Variants in DAP observed in about 807,000 individuals in gnomAD.
DAP encodes the protein death-associated protein 1.
A neutral mutation model predicts 13.8 loss-of-function variants in DAP; 8 were observed. That is an observed-to-expected ratio of 0.58 (90% CI 0.34 to 1.05). The LOEUF is 1.05. DAP is among the 50% of genes least tolerant of loss of function. The pLI is 0.03. For missense variants in DAP, 106 were observed against 133.2 expected (o/e 0.80, Z 1.01); for synonymous variants, 47 against 47.5 (o/e 0.99, Z 0.04).
intron 2 of DAP, among the ~76,000 whole-genome samples, chr5:10,739,789 A>T (rs750523494): frequency 3.0e-4 from 4 of 13,338 alleles, no homozygotes; most frequent in Non-Finnish European, 6.9e-4. Context: ...AAATTAACTC[A>T]CACACACACA....
At chr5:10,685,563 G>A (rs757125667) in intron 2 of DAP, among the ~76,000 whole-genome samples, 4 of 152,188 alleles carry the variant, frequency 2.6e-5, no homozygotes, top group African/African-American at 7.2e-5. Context: ...TCTTAACGTC[G>A]TTTGGAATGT....
intron 2 of DAP, among the ~76,000 whole-genome samples, chr5:10,706,538 CA>C (rs1738702273): frequency 6.6e-6 from 1 of 152,192 alleles, no homozygotes; most frequent in Non-Finnish European, 1.5e-5. Flanking sequence ...GGCTTGGGCA[CA>C]ATCTTGAGAA....
intron 2 of DAP, among the ~76,000 whole-genome samples, chr5:10,715,332 C>T (rs910057109): frequency 6.6e-6 from 1 of 152,178 alleles, no homozygotes; most frequent in Non-Finnish European, 1.5e-5. Context: ...GGGCCCAGGA[C>T]AGCAACAGGA....
At chr5:10,736,382 C>T (rs548990436) in intron 2 of DAP, among the ~76,000 whole-genome samples, 8 of 152,272 alleles carry the variant, frequency 5.3e-5, no homozygotes, top group Admixed American at 2.6e-4. Context: ...ATGGCTTTGT[C>T]CTAATGGCAG....
intron 2 of DAP, among the ~76,000 whole-genome samples, chr5:10,695,172 G>T (rs1266003533): frequency 1.3e-5 from 2 of 152,236 alleles, no homozygotes; most frequent in Admixed American, 6.5e-5. Context: ...TCTTCAGAGT[G>T]TGACAGTCGA....
At chr5:10,683,608 A>G (rs1331813784) in intron 2 of DAP, 37 bp from the exon 3 acceptor site, 4 of 1,598,618 alleles carry the variant, frequency 2.5e-6, no homozygotes, top group Non-Finnish European at 3.4e-6. Context: ...ATTTAACAAA[A>G]CAGTCCACAA....
intron 2 of DAP, among the ~76,000 whole-genome samples, chr5:10,687,487 C>T (rs565200641): frequency 2.0e-5 from 3 of 152,192 alleles, no homozygotes; most frequent in African/African-American, 7.2e-5. Flanking sequence ...TCATGGGTAA[C>T]TTTGAGGGGG....
At chr5:10,757,276 CA>C (rs2111402759) in intron 1 of DAP, among the ~76,000 whole-genome samples, 1 of 151,902 alleles carries the variant, frequency 6.6e-6, no homozygotes, top group African/African-American at 2.4e-5. Context: ...ACAATTGGGT[CA>C]GGTTTTTTTT....
At chr5:10,686,326 A>G (rs1561005776) in intron 2 of DAP, among the ~76,000 whole-genome samples, 2 of 152,218 alleles carry the variant, frequency 1.3e-5, no homozygotes, top group Non-Finnish European at 2.9e-5. Context: ...TTCAAGTGAA[A>G]GGAAGAGTTG....
At chr5:10,754,102 G>C (rs944576061) in intron 1 of DAP, among the ~76,000 whole-genome samples, 2 of 152,220 alleles carry the variant, frequency 1.3e-5, no homozygotes, top group African/African-American at 2.4e-5. Flanking sequence ...CACCAGGAGA[G>C]AGGAGAATCA....
chr5:10,731,394 C>T (rs982426786), intron 2 of DAP, among the ~76,000 whole-genome samples: 1 of 152,216 alleles, frequency 6.6e-6, no homozygotes, highest in Non-Finnish European at 1.5e-5. Flanking sequence ...GACCCTGGAC[C>T]TGGATTCTGA....
intron 2 of DAP, among the ~76,000 whole-genome samples, chr5:10,733,580 T>C (rs946254917): frequency 6.6e-6 from 1 of 152,160 alleles, no homozygotes; most frequent in Non-Finnish European, 1.5e-5. Context: ...ACACCACCCT[T>C]GATACTCCAG....
At chr5:10,692,176 T>A (rs1394021096) in intron 2 of DAP, among the ~76,000 whole-genome samples, 1 of 152,206 alleles carries the variant, frequency 6.6e-6, no homozygotes, top group African/African-American at 2.4e-5. Flanking sequence ...ACTATTTAAC[T>A]CAATATATTC....
intron 2 of DAP, among the ~76,000 whole-genome samples, chr5:10,687,971 A>C (rs528093672): frequency 6.9e-6 from 1 of 145,254 alleles, no homozygotes; most frequent in South Asian, 2.1e-4. Flanking sequence ...GCTGGAGTAC[A>C]GTGGTGTGAT....
chr5:10,732,884 A>T (rs1739500265), intron 2 of DAP, among the ~76,000 whole-genome samples: 1 of 152,210 alleles, frequency 6.6e-6, no homozygotes, highest in African/African-American at 2.4e-5. Context: ...TACATTGTTG[A>T]GAAACAGATC....
intron 2 of DAP, among the ~76,000 whole-genome samples, chr5:10,728,991 A>G (rs1739367850): frequency 6.6e-6 from 1 of 152,234 alleles, no homozygotes; most frequent in African/African-American, 2.4e-5. Context: ...TTTAGGTTCA[A>G]AGAGTATCAA....
chr5:10,681,062 G>T lies in DAP; in HGVS notation c.303C>A (p.Arg101=). 6.3e-7 allele frequency: 1 copy of T among 1,594,034 alleles called. No homozygotes were observed. Residue 101 remains arginine, a synonymous_variant, in exon 4 of 4, where the codon CGC becomes CGA. Transcript: ENST00000230895. ...AGGCTGGTGGACTCCAGGCTCACTT[G>T]CGTGGCTGCTGGATGTGCTGGGTTC... ...SPRTQHIQQP[R]K is the part of the protein sequence containing the mutation.
At chr5:10,736,887 A>G (rs997637704) in intron 2 of DAP, among the ~76,000 whole-genome samples, 3 of 152,216 alleles carry the variant, frequency 2.0e-5, no homozygotes, top group Non-Finnish European at 4.4e-5. Flanking sequence ...AGCAGTGACA[A>G]CCAGTTACCC....
intron 2 of DAP, among the ~76,000 whole-genome samples, chr5:10,742,084 G>C (rs1354565845): frequency 6.6e-6 from 1 of 152,144 alleles, no homozygotes; most frequent in Non-Finnish European, 1.5e-5. Flanking sequence ...TTACTGTGCT[G>C]TTTGCCTCCT....
Sources: gnomAD v4.1 joint callset for allele counts (sites outside exome capture counted in the v4.1 genomes callset) on GRCh38, gnomAD v4.1.1 for gene constraint, MANE v1.5 for transcripts, NCBI Gene and HGNC (gene_info 2026-07-23, HGNC 2026-07-21) for gene names.